Variants in PDGFA observed in about 807,000 individuals in gnomAD.
PDGFA encodes platelet-derived growth factor subunit A.
In PDGFA, 9 loss-of-function variants were observed where a neutral mutation model predicts 25.6. The ratio of observed to expected loss-of-function variants is 0.35; its 90% CI spans 0.21 to 0.61. The LOEUF is 0.61. PDGFA is among the 20% of genes least tolerant of loss of function. PDGFA has a pLI of 0.75. For synonymous variants in PDGFA, 133 were observed against 111.8 expected (o/e 1.19, Z -1.20); for missense variants, 242 against 272.8 (o/e 0.89, Z 0.79).
intron 2 of PDGFA, among the ~76,000 whole-genome samples, chr7:514,167 AG>A (rs1782984938): frequency 6.6e-6 from 1 of 152,124 alleles, no homozygotes; most frequent in South Asian, 2.1e-4. Context: ...TTAGCTTCTG[AG>A]TGTGCGGTGG....
intron 4 of PDGFA, among the ~76,000 whole-genome samples, chr7:509,512 A>T (rs1782706934): frequency 6.6e-6 from 1 of 152,018 alleles, no homozygotes; most frequent in Non-Finnish European, 1.5e-5. Context: ...GCTGGTCTTG[A>T]ACTCCTAGGC....
chr7:506,159 G>C (rs9718966), intron 4 of PDGFA, among the ~76,000 whole-genome samples: 62,461 of 140,124 alleles, frequency 0.45, 14,289 homozygotes, highest in Non-Finnish European at 0.51. Context: ...CTGGGCAACA[G>C]AGTGAGACTC....
chr7:519,593 C>T (rs1783276499), upstream of PDGFA, among the ~76,000 whole-genome samples: 1 of 145,834 alleles, frequency 6.9e-6, no homozygotes, highest in South Asian at 2.1e-4. Context: ...GCCCAGCACC[C>T]CCTCCGCGGC....
intron 4 of PDGFA, among the ~76,000 whole-genome samples, chr7:508,559 CAAAAAAAAA>C (rs766165770): frequency 2.4e-3 from 86 of 35,674 alleles, no homozygotes; most frequent in Non-Finnish European, 3.3e-3. Context: ...GAAGCTGTCC[CAAAAAAAAA>C]AAAAAAAAAA....
intron 2 of PDGFA, chr7:512,920 G>A (rs190536790): frequency 5.3e-4 from 130 of 245,972 alleles, no homozygotes; most frequent in African/African-American, 2.5e-3. Flanking sequence ...AGCAGAGGCC[G>A]CTGAGATTTC....
exon 6 of PDGFA, chr7:497,969 A>AAAAAAAAAAAAAAAAAAAAAAAAAAAAAC (rs1583133471): frequency 1.5e-5 from 2 of 133,746 alleles, no homozygotes; most frequent in Non-Finnish European, 3.1e-5. Context: ...CAAAAAAAAA[A>AAAAAAAAAAAAAAAAAAAAAAAAAAAAAC]AAAACAAAAC....
intron 4 of PDGFA, among the ~76,000 whole-genome samples, chr7:505,770 C>T (rs1048237391): frequency 1.3e-5 from 2 of 152,202 alleles, no homozygotes; most frequent in Non-Finnish European, 2.9e-5. Context: ...ACCTCTTTCA[C>T]GGAAAGAAAG....
chr7:502,394 C>A (rs1782380231), intron 4 of PDGFA, among the ~76,000 whole-genome samples: 1 of 152,136 alleles, frequency 6.6e-6, no homozygotes, highest in Admixed American at 6.5e-5. Context: ...CAGACCCATA[C>A]CCAGGGTCCC....
intron 1 of PDGFA, among the ~76,000 whole-genome samples, chr7:518,087 G>C (rs1051335412): frequency 7.9e-5 from 12 of 152,098 alleles, no homozygotes; most frequent in South Asian, 2.1e-4. Flanking sequence ...CGCGGCCCTA[G>C]CGCCGACTAA....
In PDGFA at chr7:498,418, C is replaced by T. The variant is rs1782191125; in HGVS notation, c.*146G>A. ...CACATTAAACAAATGTGCACTGTCTCTTTGTTCTCCCGAGTGTTCTCGGAC... is the reference window on the plus strand; with the variant it reads ...CACATTAAACAAATGTGCACTGTCTTTTTGTTCTCCCGAGTGTTCTCGGAC... On this transcript the variant is annotated 3_prime_UTR_variant, in exon 6 of 6. Transcript: ENST00000402802. 8.0e-6 allele frequency: 6 copies of T among 749,636 alleles called. No individual in the cohort carries two copies. In the Admixed American group the frequency reaches 1.2e-4, roughly 15 times the overall value. The allele number at this position is 749,636 out of a possible 1,614,324, so 46.4% of individuals were successfully genotyped here. A position where few individuals can be genotyped will look rare whatever the true frequency, so the allele number is the denominator to read the frequency against.
chr7:518,909 G>T (rs1783233220), intron 1 of PDGFA, 30 bp downstream of exon 1: 2 of 1,473,462 alleles, frequency 1.4e-6, no homozygotes, highest in Admixed American at 2.2e-5. Context: ...AGGAGCCGGC[G>T]CAGGGACGGG....
chr7:499,722 C>CCCCCCCG (rs1782242897), intron 5 of PDGFA, among the ~76,000 whole-genome samples: 1 of 76,788 alleles, frequency 1.3e-5, no homozygotes, highest in Non-Finnish European at 2.9e-5. Flanking sequence ...TTTGCCCTTC[C>CCCCCCCG]CCCCCCCCCC....
At chr7:502,272 G>A (rs917141595) in intron 4 of PDGFA, among the ~76,000 whole-genome samples, 8 of 143,112 alleles carry the variant, frequency 5.6e-5, no homozygotes, top group African/African-American at 7.8e-5. Context: ...TGGGGGGTTC[G>A]TGGCTGTATC....
Position 517,736 on chromosome 7 carries a change from C to A in PDGFA, c.64-246G>T, listed in dbSNP as rs992361062. On this transcript the variant is annotated intron_variant, in intron 1 of 5. Transcript: ENST00000402802. The surrounding 1 kb of genome is among the most constrained non-coding windows in gnomAD (Gnocchi z 7.4). ...GCCCTTTGCAAAATCAAAGCCCCCC[C>A]CCCTTTATATTTTCAGACAAAAGCC... Among the ~76,000 whole-genome samples the A allele has an allele frequency of 6.6e-6, 1 of 151,672 alleles. No homozygotes were observed. The highest frequency in any genetic ancestry group is 6.6e-5 in the Admixed American group (1 of 15,260).
chr7:510,331 C>G (rs1782742873), intron 4 of PDGFA, among the ~76,000 whole-genome samples: 1 of 151,978 alleles, frequency 6.6e-6, no homozygotes, highest in Non-Finnish European at 1.5e-5. Flanking sequence ...TGCACCCCCA[C>G]CAGCCACACC....
intron 4 of PDGFA, among the ~76,000 whole-genome samples, chr7:510,544 G>A (rs1782755929): frequency 8.1e-6 from 1 of 122,794 alleles, no homozygotes; most frequent in Non-Finnish European, 1.7e-5. Flanking sequence ...GGTGGACGCG[G>A]GAGGGACCCT....
At chr7:519,226 C>G (rs1165277439) in exon 1 of PDGFA, 61 of 293,428 alleles carry the variant, frequency 2.1e-4, no homozygotes, top group Non-Finnish European at 3.4e-4. Flanking sequence ...AGTGCGCGCC[C>G]GCAGCGCGGG....
At chr7:499,440 G>T (rs780139566) in intron 5 of PDGFA, among the ~76,000 whole-genome samples, 3 of 152,168 alleles carry the variant, frequency 2.0e-5, no homozygotes, top group Non-Finnish European at 4.4e-5. Context: ...ATTTGTTTTG[G>T]CCACCATGGA....
chr7:519,127 C>G (rs1341972221), exon 1 of PDGFA: 23 of 631,234 alleles, frequency 3.6e-5, no homozygotes, highest in Non-Finnish European at 5.6e-5. Flanking sequence ...GAGGGTGGCG[C>G]GGGGAGCACG....
Sources: allele counts gnomAD v4.1 joint callset (sites outside exome capture counted in the v4.1 genomes callset), GRCh38; gene constraint gnomAD v4.1.1; non-coding constraint Gnocchi (gnomAD v3.1); transcripts MANE v1.5; gene names NCBI Gene and HGNC (gene_info 2026-07-23, HGNC 2026-07-21).